MEIKIN: variants seen among roughly 807,000 people sequenced by gnomAD.
The protein encoded by MEIKIN is meiotic kinetochore factor, also known as meiosis-specific kinetochore protein.
chr5:131,860,656 C>T (rs964498532), intron 9 of MEIKIN, among the ~76,000 whole-genome samples: 2 of 150,958 alleles, frequency 1.3e-5, no homozygotes, highest in African/African-American at 4.9e-5. Flanking sequence ...ACTATCTTGG[C>T]CAGGCTGGTC....
intron 11 of MEIKIN, among the ~76,000 whole-genome samples, chr5:131,843,295 C>G (rs1001385703): frequency 1.3e-5 from 2 of 152,228 alleles, no homozygotes; most frequent in African/African-American, 4.8e-5. Context: ...ATTAACACAG[C>G]TCCTCTTTAC....
At position 131,854,852 on chromosome 5, in the gene MEIKIN, A is replaced by G. The variant is rs975518685; in HGVS notation, c.775-18T>C. On this transcript the variant is annotated intron_variant, in intron 9 of 12. Coordinates refer to ENST00000442687, the MANE Select transcript of MEIKIN (RefSeq NM_001303622.2). ...TTTGTTTTCTATAAATGTTTTTATA[A>G]AACAGGGATTGAACAGCAGAAAGAA... 5.0e-6 allele frequency: 2 copies of G among 397,434 alleles called. No homozygotes were observed. Among genetic ancestry groups the G allele is most frequent in the African/African-American group, 4.1e-5 (2 of 48,608 alleles). The allele number at this position is 397,434 out of a possible 1,614,324, so 24.6% of individuals were successfully genotyped here.
intron 9 of MEIKIN, among the ~76,000 whole-genome samples, chr5:131,868,277 GT>G (rs1225351868): frequency 6.6e-6 from 1 of 152,144 alleles, no homozygotes; most frequent in Non-Finnish European, 1.5e-5. Flanking sequence ...TAGAGACAGG[GT>G]TTTGCCATGT....
At chr5:131,820,907 T>C (rs1357799190) in intron 11 of MEIKIN, among the ~76,000 whole-genome samples, 1 of 152,194 alleles carries the variant, frequency 6.6e-6, no homozygotes, top group African/African-American at 2.4e-5. Context: ...CTTTTTTTCT[T>C]AGTCTGGCTA....
intron 8 of MEIKIN, among the ~76,000 whole-genome samples, chr5:131,895,269 G>A (rs1243426969): frequency 1.3e-5 from 2 of 152,180 alleles, no homozygotes; most frequent in African/African-American, 4.8e-5. Flanking sequence ...GCTTCTTGAT[G>A]TGCTGCTGGA....
In MEIKIN at chr5:131,859,413, G is replaced by C. The variant is rs1170694148; in HGVS notation, c.775-4579C>G. Among the ~76,000 whole-genome samples the C allele has an allele frequency of 2.0e-5, 3 of 152,200 alleles. No homozygotes were observed. The East Asian group carries it at 5.8e-4, about 29-fold the overall frequency. On this transcript the variant is annotated intron_variant, in intron 9 of 12. Transcript: ENST00000442687. ...TGGTGGGAGGTTATTGGATAATGGG[G>C]ATAGATTTCTCTGGAATGGCTTAGC...
intron 11 of MEIKIN, among the ~76,000 whole-genome samples, chr5:131,842,995 C>A (rs577691460): frequency 6.6e-6 from 1 of 152,226 alleles, no homozygotes; most frequent in Non-Finnish European, 1.5e-5. Context: ...CAAACCTCAA[C>A]TCTTGCCTTC....
intron 9 of MEIKIN, among the ~76,000 whole-genome samples, chr5:131,872,177 G>C (rs879106371): frequency 1.3e-5 from 2 of 152,242 alleles, no homozygotes; most frequent in East Asian, 3.9e-4. Flanking sequence ...AGAGAAGAAG[G>C]CTTCAGATGA....
At chr5:131,820,246 G>T (rs552273930) in intron 11 of MEIKIN, among the ~76,000 whole-genome samples, 74 of 151,762 alleles carry the variant, frequency 4.9e-4, no homozygotes, top group African/African-American at 1.7e-3. Flanking sequence ...TAATTTTTTT[G>T]TATTTTTAGT....
chr5:131,879,151 T>A, intron 8 of MEIKIN, 103 bp from the exon 9 acceptor site: 2 of 393,982 alleles, frequency 5.1e-6, no homozygotes, highest in Non-Finnish European at 8.9e-6. Context: ...AAATAATATT[T>A]GTAAAACCCC....
chr5:131,901,791 C>T (rs183292491), intron 8 of MEIKIN, among the ~76,000 whole-genome samples: 1 of 152,138 alleles, frequency 6.6e-6, no homozygotes, highest in East Asian at 1.9e-4. Flanking sequence ...CCACCTTATA[C>T]AACAAGAAAA....
intron 9 of MEIKIN, among the ~76,000 whole-genome samples, chr5:131,860,407 G>A (rs987285220): frequency 6.0e-5 from 9 of 150,004 alleles, no homozygotes; most frequent in South Asian, 2.1e-4. Flanking sequence ...TGCATCCTGC[G>A]GCTTCACTGA....
At chr5:131,850,006 G>C (rs904498847) in intron 11 of MEIKIN, among the ~76,000 whole-genome samples, 9 of 149,150 alleles carry the variant, frequency 6.0e-5, no homozygotes, top group African/African-American at 2.2e-4. Flanking sequence ...AAAATCAGGT[G>C]AATTTCTACA....
rs77654607 is a variant in MEIKIN, at chr5:131,821,298, T to C, written c.976-2435A>G. On this transcript the variant is annotated intron_variant, in intron 11 of 12. Transcript: ENST00000442687. ...ACACTGTTTAAATTCCAGGTGTTTG[T>C]ATAGTTTCCAAAATTCCTCATTATT... Among the ~76,000 whole-genome samples, 600 of 152,322 alleles carry C rather than the reference T, an allele frequency of 3.9e-3. 4 individuals are homozygous for C. Among genetic ancestry groups the C allele is most frequent in the South Asian group, 7.7e-3 (37 of 4,826 alleles).
At chr5:131,848,244 C>T (rs1459231925) in intron 11 of MEIKIN, among the ~76,000 whole-genome samples, 1 of 151,876 alleles carries the variant, frequency 6.6e-6, no homozygotes, top group Non-Finnish European at 1.5e-5. Context: ...AAAATTGGTT[C>T]TTTGAAAATA....
chr5:131,872,768 A>C (rs562811804), intron 9 of MEIKIN, among the ~76,000 whole-genome samples: 1 of 152,348 alleles, frequency 6.6e-6, no homozygotes, highest in East Asian at 1.9e-4. Context: ...GTTACCCACA[A>C]AGGGAAGCCC....
intron 11 of MEIKIN, among the ~76,000 whole-genome samples, chr5:131,847,677 A>C (rs1481578780): frequency 1.3e-5 from 2 of 152,134 alleles, no homozygotes; most frequent in Non-Finnish European, 2.9e-5. Flanking sequence ...ACAATCAATT[A>C]AGTGTAACAT....
intron 6 of MEIKIN, 37 bp from the exon 7 acceptor site, chr5:131,916,962 A>C (rs1325753178): frequency 5.1e-6 from 2 of 396,016 alleles, no homozygotes; most frequent in Non-Finnish European, 8.9e-6. Context: ...TTAGAAATAT[A>C]ATTCGAAGGC....
intron 9 of MEIKIN, among the ~76,000 whole-genome samples, chr5:131,876,706 T>C (rs1436851439): frequency 2.9e-4 from 44 of 151,866 alleles, no homozygotes; most frequent in African/African-American, 9.9e-4. Context: ...CGTATGTTTA[T>C]TGAGGCACTA....
Sources: gnomAD v4.1 joint callset for allele counts (sites outside exome capture counted in the v4.1 genomes callset) on GRCh38, gnomAD v4.1.1 for gene constraint, MANE v1.5 for transcripts, NCBI Gene and HGNC (gene_info 2026-07-23, HGNC 2026-07-21) for gene names.